BACH2: variants seen among roughly 807,000 people sequenced by gnomAD.
BACH2 encodes the protein transcription regulator protein BACH2.
In BACH2, 5 loss-of-function variants were observed where a neutral mutation model predicts 61.8. That is an observed-to-expected ratio of 0.08 (90% CI 0.04 to 0.17). The LOEUF is 0.17. Ranked by LOEUF, BACH2 falls within the 10% of genes least tolerant of loss-of-function variation. BACH2 has a pLI of 1.00. For synonymous variants in BACH2, 446 were observed against 440.1 expected (o/e 1.01, Z -0.17); for missense variants, 824 against 1,091.1 (o/e 0.76, Z 3.45).
intron 5 of BACH2, among the ~76,000 whole-genome samples, chr6:90,014,438 GTGTATATATATATATATA>G (rs1247916060): frequency 4.1e-5 from 3 of 73,174 alleles, no homozygotes; most frequent in African/African-American, 2.3e-4. Flanking sequence ...GTGTGTGTGT[GTGTATATATATATATATA>G]TATATATATA....
At position 90,151,205 on chromosome 6, in the gene BACH2, A is replaced by G. The variant is rs186904391; in HGVS notation, c.-162+55364T>C. 3.9e-5 allele frequency among the ~76,000 whole-genome samples: 6 copies of G among 152,318 alleles called. No homozygotes were observed. The East Asian group carries it at 1.2e-3, about 29-fold the overall frequency. On this transcript the variant is annotated intron_variant, in intron 4 of 8. Transcript: ENST00000257749. ...ATCCTATGCGTTTTAAAACTGACAA[A>G]TGTCATCTTCTGAATGTTGTCTTTT...
chr6:90,225,064 C>G (rs1769865565), intron 3 of BACH2, among the ~76,000 whole-genome samples: 1 of 146,950 alleles, frequency 6.8e-6, no homozygotes, highest in Non-Finnish European at 1.5e-5. Flanking sequence ...TGAAATACAT[C>G]ATAACAACAA....
Position 89,940,756 on chromosome 6 carries a change from A to T in BACH2, c.1837-2406T>A, listed in dbSNP as rs187330458. Among the ~76,000 whole-genome samples the T allele has an allele frequency of 5.3e-5, 8 of 152,336 alleles. No homozygotes were observed. In the East Asian group the frequency reaches 1.5e-3, roughly 29 times the overall value. ...TACATTAAAAGAAGTAAAAAGAAAC[A>T]GGTGAAATGAGTTTGAATACTGTAT... On this transcript the variant is annotated intron_variant, in intron 7 of 8. Transcript: ENST00000257749.
At chr6:90,294,695 G>C (rs1451772980) in intron 1 of BACH2, among the ~76,000 whole-genome samples, 3 of 152,132 alleles carry the variant, frequency 2.0e-5, no homozygotes, top group African/African-American at 7.2e-5. Flanking sequence ...GGAGGTGCCC[G>C]AGAACCAGGG....
chr6:90,271,756 G>A (rs1771532619), intron 2 of BACH2, 93 bp downstream of exon 2: 1 of 152,270 alleles, frequency 6.6e-6, no homozygotes, highest in Non-Finnish European at 1.5e-5. Flanking sequence ...GCGTGGATCT[G>A]GTAAAAAGGG....
intron 6 of BACH2, among the ~76,000 whole-genome samples, chr6:89,995,888 G>A (rs964212553): frequency 7.9e-5 from 12 of 152,208 alleles, no homozygotes; most frequent in Admixed American, 6.5e-5. Flanking sequence ...TCCTCAGTCT[G>A]ATAAACTGTT....
rs544255856 is a variant in BACH2 at position 90,041,987 on chromosome 6, T to C, written c.-12-33131A>G. ...TATTTTTCTTATTTGCCAAAATAAA[T>C]ATTTTAGGCCACGGCTTCTCTTCTG... On this transcript the variant is annotated intron_variant, in intron 5 of 8. Coordinates refer to ENST00000257749, the MANE Select transcript of BACH2 (RefSeq NM_021813.4). 2.3e-4 allele frequency among the ~76,000 whole-genome samples: 35 copies of C among 152,302 alleles called. No individual in the cohort carries two copies. In the South Asian group the frequency reaches 7.0e-3, roughly 31 times the overall value.
chr6:90,197,077 T>A lies in BACH2; in HGVS notation c.-162+9492A>T, dbSNP rs563089303. The stretch of plus-strand genomic sequence containing the variant: ...TTTATCACACAGTATGAAGTTTTTT[T>A]AAAAACAAAGCCAATGATGTACATA... On this transcript the variant is annotated intron_variant, in intron 4 of 8. Coordinates refer to ENST00000257749, the MANE Select transcript of BACH2 (RefSeq NM_021813.4). 3.5e-4 allele frequency among the ~76,000 whole-genome samples: 53 copies of A among 152,322 alleles called. No homozygotes were observed. The Middle Eastern group carries it at 0.01, about 29-fold the overall frequency.
chr6:90,159,455 T>A (rs997696233), intron 4 of BACH2, among the ~76,000 whole-genome samples: 1 of 152,122 alleles, frequency 6.6e-6, no homozygotes, highest in African/African-American at 2.4e-5. Context: ...AGGAAAACTT[T>A]TATATACGCA....
chr6:90,119,314 G>A (rs898286822), intron 4 of BACH2, among the ~76,000 whole-genome samples: 2 of 152,102 alleles, frequency 1.3e-5, no homozygotes, highest in Non-Finnish European at 2.9e-5. Flanking sequence ...ACCTAATTAT[G>A]TTAGTTTCAA....
At chr6:90,179,195 C>CT (rs1208027504) in intron 4 of BACH2, among the ~76,000 whole-genome samples, 1 of 151,766 alleles carries the variant, frequency 6.6e-6, no homozygotes, top group African/African-American at 2.4e-5. Flanking sequence ...GGGAGACACT[C>CT]TAGTGTGTAT....
chr6:90,037,833 T>C (rs1022077352), intron 5 of BACH2, among the ~76,000 whole-genome samples: 1 of 152,212 alleles, frequency 6.6e-6, no homozygotes, highest in Non-Finnish European at 1.5e-5. Context: ...TCCAATATCA[T>C]GGGTGTCCTT....
chr6:90,173,939 T>C (rs923209020), intron 4 of BACH2, among the ~76,000 whole-genome samples: 1 of 152,156 alleles, frequency 6.6e-6, no homozygotes, highest in African/African-American at 2.4e-5. Context: ...AAGAACTGCG[T>C]AGGCAAATAA....
chr6:90,100,686 TAC>T (rs144228722), intron 4 of BACH2, among the ~76,000 whole-genome samples: 3 of 54,372 alleles, frequency 5.5e-5, no homozygotes, highest in Non-Finnish European at 8.8e-5. Flanking sequence ...TCTCTCTCTC[TAC>T]ACACACACAC....
intron 4 of BACH2, among the ~76,000 whole-genome samples, chr6:90,162,365 G>A (rs1254738531): frequency 1.3e-5 from 2 of 152,224 alleles, no homozygotes; most frequent in East Asian, 1.9e-4. Context: ...AGGGCCAGGT[G>A]TGGTGGCTTA....
At position 89,982,507 on chromosome 6, in the gene BACH2, G is replaced by C. The variant is rs139692876; in HGVS notation, c.243+26095C>G. On this transcript the variant is annotated intron_variant, in intron 6 of 8. Transcript: ENST00000257749. ...TAAAAGTCTGATTTGGATTGTTTAG[G>C]TTCTGTTTTGGATGCAGATAGAATT... Among the ~76,000 whole-genome samples, 781 of 152,250 alleles carry C rather than the reference G, an allele frequency of 5.1e-3. 7 individuals carry two copies. Among genetic ancestry groups the C allele is most frequent in the African/African-American group, 0.018 (744 of 41,546 alleles).
chr6:90,237,085 G>A (rs1264747027), intron 3 of BACH2, among the ~76,000 whole-genome samples: 4 of 151,944 alleles, frequency 2.6e-5, no homozygotes, highest in Admixed American at 6.6e-5. Flanking sequence ...CACCACGCCC[G>A]GCTAATTTTT....
intron 3 of BACH2, among the ~76,000 whole-genome samples, chr6:90,230,881 T>C (rs1234846533): frequency 1.3e-5 from 2 of 152,186 alleles, no homozygotes; most frequent in African/African-American, 4.8e-5. Flanking sequence ...CAGAGCTCTT[T>C]AGTTTCCAGG....
chr6:90,080,014 C>G (rs1781654920), intron 5 of BACH2, among the ~76,000 whole-genome samples: 1 of 151,624 alleles, frequency 6.6e-6, no homozygotes, highest in Admixed American at 6.6e-5. Context: ...AGTCAGTGTA[C>G]AGACAACGTG....
Sources: gnomAD v4.1 joint callset for allele counts (sites outside exome capture counted in the v4.1 genomes callset) on GRCh38, gnomAD v4.1.1 for gene constraint, MANE v1.5 for transcripts, NCBI Gene and HGNC (gene_info 2026-07-23, HGNC 2026-07-21) for gene names.